The following TBC1D5 variants were observed in gnomAD, a reference collection of about 807,000 sequenced individuals.
The protein encoded by TBC1D5 is TBC1 domain family, member 5.
Under a neutral mutation model 100.3 loss-of-function variants are expected in TBC1D5, and 75 were observed. The observed-to-expected ratio is 0.75, with a 90% confidence interval of 0.62 to 0.91. TBC1D5 has a LOEUF of 0.91. Ranked by LOEUF, TBC1D5 falls within the 40% of genes least tolerant of loss-of-function variation. The pLI, the probability that TBC1D5 is intolerant of heterozygous loss-of-function variation, is 0.00. For missense variants in TBC1D5, 910 were observed against 942.4 expected, an observed-to-expected ratio of 0.97 and a Z score of 0.45; for synonymous variants, 323 against 325.6, an observed-to-expected ratio of 0.99 and a Z score of 0.09.
chr3:17,402,444 T>A (rs1455180071), intron 8 of TBC1D5, among the ~76,000 whole-genome samples: 1 of 152,160 alleles, frequency 6.6e-6, no homozygotes, highest in Non-Finnish European at 1.5e-5. Context: ...GTTTAAAGTA[T>A]AAACTTATCT....
intron 2 of TBC1D5, among the ~76,000 whole-genome samples, chr3:17,544,268 C>A (rs1344627291): frequency 2.0e-5 from 3 of 152,154 alleles, no homozygotes; most frequent in African/African-American, 7.2e-5. Context: ...ACTATCTATT[C>A]AAAATTGTAC....
intron 8 of TBC1D5, among the ~76,000 whole-genome samples, chr3:17,401,339 GTATAATATA>G (rs2093643243): frequency 4.7e-5 from 1 of 21,130 alleles, no homozygotes; most frequent in South Asian, 1.4e-3. Flanking sequence ...ATACATATAT[GTATAATATA>G]CATATATATG....
At chr3:17,351,947 A>T (rs577508279) in intron 13 of TBC1D5, among the ~76,000 whole-genome samples, 24 of 151,474 alleles carry the variant, frequency 1.6e-4, no homozygotes, top group African/African-American at 5.3e-4. Flanking sequence ...TTCCCCCCAA[A>T]AAAACCCTCA....
chr3:17,695,228 T>A lies in TBC1D5; in HGVS notation c.-101+44115A>T, dbSNP rs57167178. ...ACCAGGGAACATCATAATGACAGGA[T>A]CAAATTCACACATAACAATATTAAC... On this transcript the variant is annotated intron_variant, in intron 1 of 21. Coordinates refer to ENST00000253692, the Ensembl canonical transcript of TBC1D5. Among the ~76,000 whole-genome samples, 814 of 152,202 alleles carry A rather than the reference T, an allele frequency of 5.3e-3. 12 individuals carry two copies. The highest frequency in any genetic ancestry group is 0.019 in the African/African-American group (782 of 41,508).
chr3:17,488,353 C>T (rs1045626546), intron 3 of TBC1D5, among the ~76,000 whole-genome samples: 1 of 152,090 alleles, frequency 6.6e-6, no homozygotes, highest in Admixed American at 6.6e-5. Flanking sequence ...CATACATGTA[C>T]CAGAGTTTGT....
chr3:17,294,040 C>G (rs2082010457), intron 14 of TBC1D5, among the ~76,000 whole-genome samples: 1 of 152,180 alleles, frequency 6.6e-6, no homozygotes, highest in Non-Finnish European at 1.5e-5. Flanking sequence ...TACTCTATTA[C>G]AAGACATTTG....
At chr3:17,401,673 A>T (rs997071245) in intron 8 of TBC1D5, among the ~76,000 whole-genome samples, 1 of 152,068 alleles carries the variant, frequency 6.6e-6, no homozygotes, top group African/African-American at 2.4e-5. Flanking sequence ...CTTCATTTAC[A>T]TTTGATAACT....
At chr3:17,211,754 C>A (rs931329201) in intron 18 of TBC1D5, among the ~76,000 whole-genome samples, 22 of 152,218 alleles carry the variant, frequency 1.4e-4, no homozygotes, top group African/African-American at 4.1e-4. Flanking sequence ...TTTTCTTATT[C>A]TTTGAGGGTT....
intron 2 of TBC1D5, among the ~76,000 whole-genome samples, chr3:17,540,680 G>A (rs189543737): frequency 3.3e-5 from 5 of 151,732 alleles, no homozygotes; most frequent in Non-Finnish European, 5.9e-5. Context: ...AGGCCGAGGC[G>A]GGCAGATCAC....
At chr3:17,180,957 T>C (rs1032312070) in intron 19 of TBC1D5, among the ~76,000 whole-genome samples, 1 of 150,534 alleles carries the variant, frequency 6.6e-6, no homozygotes, top group Non-Finnish European at 1.5e-5. Context: ...TAAGGTGTGA[T>C]GGAGTTCTCT....
intron 3 of TBC1D5, among the ~76,000 whole-genome samples, chr3:17,482,222 C>G (rs1040437466): frequency 3.3e-5 from 5 of 150,214 alleles, no homozygotes; most frequent in Admixed American, 2.6e-4. Context: ...CAAATGTTCC[C>G]TATAACGTGT....
intron 3 of TBC1D5, among the ~76,000 whole-genome samples, chr3:17,498,866 T>C (rs1255423303): frequency 6.6e-6 from 1 of 152,196 alleles, no homozygotes; most frequent in Non-Finnish European, 1.5e-5. Context: ...TACCAAAATA[T>C]ATCAGCTATA....
intron 2 of TBC1D5, among the ~76,000 whole-genome samples, chr3:17,540,045 T>C (rs115707512): frequency 0.035 from 5,269 of 152,290 alleles, 123 homozygotes; most frequent in Non-Finnish European, 0.049. Flanking sequence ...CTAATGGGTG[T>C]AAGGTGGTAT....
intron 1 of TBC1D5, among the ~76,000 whole-genome samples, chr3:17,659,676 G>C (rs574532493): frequency 1.6e-4 from 25 of 152,186 alleles, no homozygotes; most frequent in Admixed American, 3.3e-4. Flanking sequence ...AGGAAAACAT[G>C]CAAACAAATA....
At chr3:17,313,926 C>T (rs1351120194) in intron 13 of TBC1D5, among the ~76,000 whole-genome samples, 1 of 152,110 alleles carries the variant, frequency 6.6e-6, no homozygotes, top group African/African-American at 2.4e-5. Context: ...TGCCTTTGAC[C>T]TCTTATCTCT....
At chr3:17,497,232 A>G (rs2095723200) in intron 3 of TBC1D5, among the ~76,000 whole-genome samples, 1 of 152,040 alleles carries the variant, frequency 6.6e-6, no homozygotes, top group African/African-American at 2.4e-5. Flanking sequence ...CTGACAATCT[A>G]AAGTACTCAC....
At chr3:17,512,359 A>C (rs1308306767) in intron 2 of TBC1D5, among the ~76,000 whole-genome samples, 1 of 152,102 alleles carries the variant, frequency 6.6e-6, no homozygotes, top group African/African-American at 2.4e-5. Context: ...CAGCATAAAC[A>C]TAACACTTAC....
chr3:17,507,264 T>C (rs1576417372), intron 3 of TBC1D5, among the ~76,000 whole-genome samples: 1 of 152,316 alleles, frequency 6.6e-6, no homozygotes, highest in Middle Eastern at 3.4e-3. Context: ...AGCACTGAGA[T>C]ATTAAAATAA....
At chr3:17,277,562 ATGAG>A (rs1459416242) in intron 15 of TBC1D5, among the ~76,000 whole-genome samples, 1 of 152,212 alleles carries the variant, frequency 6.6e-6, no homozygotes, top group Non-Finnish European at 1.5e-5. Flanking sequence ...CCAACCATGA[ATGAG>A]TGAGAAGTCA....
Sources: allele counts gnomAD v4.1 joint callset (sites outside exome capture counted in the v4.1 genomes callset), GRCh38; gene constraint gnomAD v4.1.1; transcripts MANE v1.5; gene names NCBI Gene and HGNC (gene_info 2026-07-23, HGNC 2026-07-21).